The following SAMD5 variants were observed in gnomAD, a reference collection of about 807,000 sequenced individuals.
The protein encoded by SAMD5 is sterile alpha motif domain-containing protein 5.
Under a neutral mutation model 11.3 loss-of-function variants are expected in SAMD5, and 13 were observed. The observed-to-expected ratio is 1.15, with a 90% confidence interval of 0.75 to 1.83. The LOEUF (loss-of-function observed/expected upper bound fraction) is 1.83, where lower values mean the gene tolerates loss of function less well. Ranked by LOEUF, SAMD5 falls within the 40% of genes most tolerant of loss-of-function variation. The pLI is 0.00. For missense variants in SAMD5, 255 were observed against 239.1 expected, an observed-to-expected ratio of 1.07 and a Z score of -0.44; for synonymous variants, 129 against 111.3, an observed-to-expected ratio of 1.16 and a Z score of -1.00.
intron 1 of SAMD5, among the ~76,000 whole-genome samples, chr6:147,717,837 C>A (rs1351176604): frequency 1.3e-5 from 2 of 151,440 alleles, no homozygotes; most frequent in East Asian, 3.9e-4. Flanking sequence ...GGTGACAGAG[C>A]AAAACTCTGT....
chr6:147,630,661 T>A (rs6921015), intron 1 of SAMD5, among the ~76,000 whole-genome samples: 16 of 151,100 alleles, frequency 1.1e-4, no homozygotes, highest in Non-Finnish European at 4.4e-5. Context: ...CCCTCTTTTC[T>A]GACTCAGCCC....
At chr6:147,674,085 C>T (rs1790831834) in intron 1 of SAMD5, among the ~76,000 whole-genome samples, 1 of 152,112 alleles carries the variant, frequency 6.6e-6, no homozygotes, top group South Asian at 2.1e-4. Context: ...TGCTCTTTTA[C>T]TCTTTTGTTT....
the SAMD5 span, among the ~76,000 whole-genome samples, chr6:147,804,759 T>C: frequency 6.6e-6 from 1 of 152,208 alleles, no homozygotes; most frequent in Non-Finnish European, 1.5e-5. Context: ...GTGTTGAATT[T>C]TTTAGAGCTT....
chr6:147,903,906 T>G, the SAMD5 span, among the ~76,000 whole-genome samples: 1 of 111,262 alleles, frequency 9.0e-6, no homozygotes, highest in African/African-American at 4.5e-5. Flanking sequence ...AGACTCCATC[T>G]TGGAAAAAAA....
intron 1 of SAMD5, among the ~76,000 whole-genome samples, chr6:147,736,110 A>C (rs56178556): frequency 1.3e-5 from 2 of 152,126 alleles, no homozygotes; most frequent in Non-Finnish European, 1.5e-5. Flanking sequence ...AGGCTGTGCC[A>C]CCTGCTAGCA....
At chr6:147,940,919 G>A in the SAMD5 span, among the ~76,000 whole-genome samples, 1 of 151,978 alleles carries the variant, frequency 6.6e-6, no homozygotes, top group Admixed American at 6.5e-5. Context: ...CCGAGATTGC[G>A]CCATTGCACT....
chr6:147,930,894 C>T, the SAMD5 span, among the ~76,000 whole-genome samples: 3 of 152,336 alleles, frequency 2.0e-5, no homozygotes, highest in South Asian at 2.1e-4. Flanking sequence ...GGATGGTGCT[C>T]GCCCACGCTG....
chr6:147,909,666 A>G, the SAMD5 span, among the ~76,000 whole-genome samples: 1,368 of 132,330 alleles, frequency 0.01, 109 homozygotes, highest in South Asian at 0.17. Flanking sequence ...TGTCCTCATA[A>G]ATAAAGTTTG....
chr6:147,711,744 G>A lies in SAMD5; in HGVS notation c.163-25573G>A, dbSNP rs945414702. Among the ~76,000 whole-genome samples the A allele has an allele frequency of 1.3e-5, 2 of 152,158 alleles. No homozygotes were observed. The highest frequency in any genetic ancestry group is 6.5e-5 in the Admixed American group (1 of 15,280). ...TTAAGTTTGTGGTATCCAGAAACCG[G>A]GAAATATGTTTGTGTTGTGAGTTCC... On this transcript the variant is annotated intron_variant, in intron 1 of 1. Transcript: ENST00000566741. This position sits in a 1 kb window ranked among gnomAD's most constrained non-coding sequence, Gnocchi z 4.1.
the SAMD5 span, among the ~76,000 whole-genome samples, chr6:147,848,184 A>G: frequency 3.3e-4 from 51 of 152,322 alleles, no homozygotes; most frequent in East Asian, 6.6e-3. Flanking sequence ...TTTACACGAT[A>G]AAACCCATAG....
At chr6:147,793,236 C>T in the SAMD5 span, among the ~76,000 whole-genome samples, 11 of 152,170 alleles carry the variant, frequency 7.2e-5, no homozygotes, top group African/African-American at 2.4e-4. Context: ...CTTATCCCCC[C>T]CAAATCCATA....
chr6:147,687,569 A>G (rs538491185), intron 1 of SAMD5, among the ~76,000 whole-genome samples: 1 of 152,064 alleles, frequency 6.6e-6, no homozygotes, highest in Non-Finnish European at 1.5e-5. Context: ...TTCTATCTGG[A>G]ATCATTTACC....
intron 1 of SAMD5, among the ~76,000 whole-genome samples, chr6:147,650,953 T>C (rs1427276460): frequency 9.4e-6 from 1 of 106,360 alleles, no homozygotes; most frequent in Non-Finnish European, 1.8e-5. Context: ...GCTAGTTGGA[T>C]TTTTATTACT....
At chr6:147,880,372 C>G in the SAMD5 span, among the ~76,000 whole-genome samples, 7 of 152,106 alleles carry the variant, frequency 4.6e-5, no homozygotes, top group African/African-American at 1.4e-4. Flanking sequence ...CACACACACA[C>G]AGAGACACAT....
intron 1 of SAMD5, among the ~76,000 whole-genome samples, chr6:147,696,683 C>T (rs1043790690): frequency 1.3e-5 from 2 of 152,124 alleles, no homozygotes; most frequent in East Asian, 1.9e-4. Context: ...ATATCTGGCT[C>T]GTTTCTGTTA....
At chr6:147,855,949 C>G in the SAMD5 span, among the ~76,000 whole-genome samples, 2 of 152,112 alleles carry the variant, frequency 1.3e-5, no homozygotes, top group African/African-American at 4.8e-5. Flanking sequence ...AAATTGAAAG[C>G]ATATGTCTGT....
intron 1 of SAMD5, among the ~76,000 whole-genome samples, chr6:147,731,779 A>G (rs1230039740): frequency 1.3e-5 from 2 of 151,240 alleles, no homozygotes; most frequent in Non-Finnish European, 2.9e-5. Context: ...TAGTAAAGCA[A>G]CCAACAGAAT....
the SAMD5 span, among the ~76,000 whole-genome samples, chr6:147,849,068 C>T: frequency 1.3e-5 from 2 of 151,950 alleles, no homozygotes; most frequent in Non-Finnish European, 2.9e-5. Context: ...CCAACCCCTC[C>T]TTTAGAGAAC....
chr6:147,893,261 C>A, the SAMD5 span, among the ~76,000 whole-genome samples: 1 of 151,690 alleles, frequency 6.6e-6, no homozygotes, highest in South Asian at 2.1e-4. Flanking sequence ...ATTTGACACT[C>A]TTATACTCTT....
Sources: gnomAD v4.1 joint callset for allele counts (sites outside exome capture counted in the v4.1 genomes callset) on GRCh38, gnomAD v4.1.1 for gene constraint, Gnocchi (gnomAD v3.1) non-coding constraint, MANE v1.5 for transcripts, NCBI Gene and HGNC (gene_info 2026-07-23, HGNC 2026-07-21) for gene names.